Variants in PTPRD observed in about 807,000 individuals in gnomAD.
The protein encoded by PTPRD is protein tyrosine phosphatase receptor type D.
Under a neutral mutation model 214.5 loss-of-function variants are expected in PTPRD, and 34 were observed. The ratio of observed to expected loss-of-function variants is 0.16; its 90% CI spans 0.12 to 0.21. The LOEUF is 0.21. Ranked by LOEUF, PTPRD falls within the 10% of genes least tolerant of loss-of-function variation. The probability of loss-of-function intolerance (pLI) is 1.00; values close to 1 mark genes in which losing one functional copy is unlikely to be tolerated. For missense variants in PTPRD, 2,545 were observed against 2,398.7 expected, an observed-to-expected ratio of 1.06 and a Z score of -1.27; for synonymous variants, 1,128 against 845.7, an observed-to-expected ratio of 1.33 and a Z score of -5.79.
intron 8 of PTPRD, among the ~76,000 whole-genome samples, chr9:9,539,213 T>C (rs1569569117): frequency 6.6e-6 from 1 of 151,810 alleles, no homozygotes; most frequent in Non-Finnish European, 1.5e-5. Context: ...AATTATAAGA[T>C]ATGCAGATGG....
At chr9:8,343,531 T>C (rs1283432206) in intron 39 of PTPRD, among the ~76,000 whole-genome samples, 3 of 152,070 alleles carry the variant, frequency 2.0e-5, no homozygotes, top group Admixed American at 2.0e-4. Flanking sequence ...AGTCTCATTT[T>C]ATTTAGTTGG....
chr9:10,570,615 A>C (rs1023358713), intron 2 of PTPRD, among the ~76,000 whole-genome samples: 1 of 152,016 alleles, frequency 6.6e-6, no homozygotes, highest in African/African-American at 2.4e-5. Context: ...TGGGAACCTT[A>C]TTATTTTATT....
intron 7 of PTPRD, among the ~76,000 whole-genome samples, chr9:9,606,236 T>A (rs1394274191): frequency 6.6e-6 from 1 of 152,098 alleles, no homozygotes; most frequent in East Asian, 1.9e-4. Flanking sequence ...CAATTTTACA[T>A]CCTTTATCGA....
At chr9:9,237,639 T>A (rs2099967702) in intron 9 of PTPRD, among the ~76,000 whole-genome samples, 2 of 152,172 alleles carry the variant, frequency 1.3e-5, no homozygotes, top group African/African-American at 4.8e-5. Context: ...TGCAATAATT[T>A]TTTTTTAAGA....
At chr9:9,261,854 A>C (rs999160334) in intron 9 of PTPRD, among the ~76,000 whole-genome samples, 19 of 151,836 alleles carry the variant, frequency 1.3e-4, no homozygotes, top group African/African-American at 4.3e-4. Flanking sequence ...AGAAAGAATA[A>C]ACTTTGTAAA....
At chr9:8,936,752 C>T (rs1227115835) in intron 11 of PTPRD, among the ~76,000 whole-genome samples, 1 of 152,050 alleles carries the variant, frequency 6.6e-6, no homozygotes, top group Non-Finnish European at 1.5e-5. Context: ...ATTCTGTTTT[C>T]TTACTGGATT....
chr9:9,315,041 T>C (rs1961843895), intron 9 of PTPRD, among the ~76,000 whole-genome samples: 2 of 152,034 alleles, frequency 1.3e-5, no homozygotes. Flanking sequence ...ATTTTATTTA[T>C]TTTTACATCA....
At chr9:10,029,733 G>C (rs1257520943) in intron 4 of PTPRD, among the ~76,000 whole-genome samples, 2 of 152,218 alleles carry the variant, frequency 1.3e-5, no homozygotes, top group Non-Finnish European at 1.5e-5. Context: ...CCTTGTCTCA[G>C]ATGAGACTTT....
At chr9:10,404,097 T>A (rs1169521640) in intron 2 of PTPRD, among the ~76,000 whole-genome samples, 1 of 151,712 alleles carries the variant, frequency 6.6e-6, no homozygotes, top group East Asian at 2.0e-4. Context: ...AGGTAGACAG[T>A]GTATGCAAAC....
intron 2 of PTPRD, among the ~76,000 whole-genome samples, chr9:10,510,540 T>G (rs1011012908): frequency 3.9e-5 from 6 of 152,182 alleles, no homozygotes; most frequent in South Asian, 2.1e-4. Context: ...ATCGCTTTTT[T>G]GTTTGCTTTG....
chr9:9,269,207 T>C (rs1427948618), intron 9 of PTPRD, among the ~76,000 whole-genome samples: 1 of 151,320 alleles, frequency 6.6e-6, no homozygotes, highest in Non-Finnish European at 1.5e-5. Context: ...TCAAAGAACC[T>C]GAACAGACAT....
intron 7 of PTPRD, among the ~76,000 whole-genome samples, chr9:9,713,001 C>T (rs1009169485): frequency 6.6e-6 from 1 of 152,170 alleles, no homozygotes; most frequent in African/African-American, 2.4e-5. Flanking sequence ...GTTTAACTTT[C>T]TGTAATCCCT....
chr9:8,633,244 T>G (rs2096309439), intron 14 of PTPRD, 73 bp downstream of exon 14: 3 of 1,543,486 alleles, frequency 1.9e-6, no homozygotes, highest in Non-Finnish European at 2.6e-6. Context: ...ATGCTAGTCT[T>G]TTCAATGATG....
intron 10 of PTPRD, among the ~76,000 whole-genome samples, chr9:9,180,519 G>T (rs1349136217): frequency 6.6e-6 from 1 of 151,472 alleles, no homozygotes; most frequent in Non-Finnish European, 1.5e-5. Flanking sequence ...AATGGGTGCA[G>T]CACACCAACA....
intron 14 of PTPRD, among the ~76,000 whole-genome samples, chr9:8,537,569 G>A (rs2077259375): frequency 6.6e-6 from 1 of 151,964 alleles, no homozygotes; most frequent in Middle Eastern, 3.2e-3. Flanking sequence ...GCAGTCACTG[G>A]ATACAAGAGT....
intron 3 of PTPRD, among the ~76,000 whole-genome samples, chr9:10,301,572 T>C (rs767415596): frequency 9.9e-5 from 15 of 152,132 alleles, no homozygotes; most frequent in African/African-American, 3.6e-4. Flanking sequence ...GAGAAGAACA[T>C]AAATAAACTG....
At chr9:10,062,917 G>C (rs2097800263) in intron 3 of PTPRD, among the ~76,000 whole-genome samples, 1 of 152,010 alleles carries the variant, frequency 6.6e-6, no homozygotes, top group African/African-American at 2.4e-5. Context: ...GAGACAACAT[G>C]AGAATGAGAG....
intron 7 of PTPRD, among the ~76,000 whole-genome samples, chr9:9,588,943 A>G (rs1277284085): frequency 6.6e-6 from 1 of 151,882 alleles, no homozygotes; most frequent in Non-Finnish European, 1.5e-5. Flanking sequence ...TTAATATTAG[A>G]ACTTGTAATA....
At position 10,567,648 on chromosome 9, in the gene PTPRD, C is replaced by G. The variant is rs1009258201; in HGVS notation, c.-600+44750G>C. 3.3e-5 allele frequency among the ~76,000 whole-genome samples: 5 copies of G among 151,904 alleles called. No homozygotes were observed. In the East Asian group the frequency reaches 5.8e-4, roughly 18 times the overall value. ...ATGGAATAAACTGTAAAAATCATGACTCTCTGTAACAGTAAATACAAACTT... is the reference window on the plus strand; with the variant it reads ...ATGGAATAAACTGTAAAAATCATGAGTCTCTGTAACAGTAAATACAAACTT... On this transcript the variant is annotated intron_variant, in intron 2 of 45. Transcript: ENST00000381196.
Sources: allele counts gnomAD v4.1 joint callset (sites outside exome capture counted in the v4.1 genomes callset), GRCh38; gene constraint gnomAD v4.1.1; transcripts MANE v1.5; gene names NCBI Gene and HGNC (gene_info 2026-07-23, HGNC 2026-07-21).